CRACR2A: variants seen among roughly 807,000 people sequenced by gnomAD.
CRACR2A encodes EF-hand calcium-binding domain-containing protein 4B.
CRACR2A carries 79 observed loss-of-function variants against 90.5 expected under a neutral mutation model. That is an observed-to-expected ratio of 0.87 (90% confidence interval 0.73 to 1.05). CRACR2A has a LOEUF of 1.05. CRACR2A is among the 50% of genes least tolerant of loss of function. The pLI is 0.00. For synonymous variants in CRACR2A, 338 were observed against 356.7 expected (o/e 0.95, Z 0.59); for missense variants, 823 against 897.2 (o/e 0.92, Z 1.06).
intron 11 of CRACR2A, 101 bp from the exon 12 acceptor site, chr12:3,644,741 G>A (rs1944654984): frequency 1.9e-6 from 2 of 1,052,360 alleles, no homozygotes; most frequent in South Asian, 1.4e-5. Flanking sequence ...GGAAGGTGTG[G>A]TATGGAAGAC....
intron 7 of CRACR2A, among the ~76,000 whole-genome samples, chr12:3,667,215 C>T (rs1591671314): frequency 6.6e-6 from 1 of 152,168 alleles, no homozygotes; most frequent in African/African-American, 2.4e-5. Flanking sequence ...GTGAAGTAAC[C>T]AAATTTCCAA....
At chr12:3,703,555 A>G (rs1355872308) in intron 3 of CRACR2A, among the ~76,000 whole-genome samples, 1 of 152,228 alleles carries the variant, frequency 6.6e-6, no homozygotes, top group Non-Finnish European at 1.5e-5. Context: ...AATTCATTTG[A>G]AAAAAATACG....
chr12:3,644,469 T>G (rs542498475), intron 12 of CRACR2A, 126 bp downstream of exon 12: 27 of 1,003,158 alleles, frequency 2.7e-5, no homozygotes, highest in Non-Finnish European at 4.1e-5. Flanking sequence ...AACGTTTTCA[T>G]GCCGTCATCC....
chr12:3,639,582 G>A (rs150428507), intron 13 of CRACR2A, among the ~76,000 whole-genome samples: 7 of 151,978 alleles, frequency 4.6e-5, no homozygotes, highest in African/African-American at 1.2e-4. Context: ...CACAGAATAT[G>A]CAGAACAGAG....
At chr12:3,703,053 A>G (rs527330561) in intron 3 of CRACR2A, among the ~76,000 whole-genome samples, 4 of 152,370 alleles carry the variant, frequency 2.6e-5, no homozygotes, top group South Asian at 2.1e-4. Context: ...GATTTTTCCA[A>G]CAAATGATAC....
chr12:3,667,739 C>T (rs1203970348), intron 7 of CRACR2A, among the ~76,000 whole-genome samples: 2 of 152,228 alleles, frequency 1.3e-5, no homozygotes, highest in African/African-American at 4.8e-5. Flanking sequence ...TAGAAAAATC[C>T]TGTTTAGAGT....
intron 15 of CRACR2A, among the ~76,000 whole-genome samples, chr12:3,628,102 C>CCTCT (rs993195059): frequency 7.0e-6 from 1 of 142,536 alleles, no homozygotes; most frequent in Admixed American, 7.0e-5. Flanking sequence ...TCTCTCCTTC[C>CCTCT]CTCTCTCTTT....
intron 10 of CRACR2A, among the ~76,000 whole-genome samples, chr12:3,653,305 G>A (rs1314366194): frequency 6.6e-6 from 1 of 152,170 alleles, no homozygotes; most frequent in African/African-American, 2.4e-5. Context: ...GATCAAACGA[G>A]AGGATGTCAA....
At chr12:3,652,174 A>C (rs111435371) in intron 10 of CRACR2A, among the ~76,000 whole-genome samples, 1 of 149,072 alleles carries the variant, frequency 6.7e-6, no homozygotes, top group East Asian at 2.0e-4. Flanking sequence ...TTGAATCCTC[A>C]TGCTGTGATG....
chr12:3,643,855 T>TGA, intron 12 of CRACR2A, among the ~76,000 whole-genome samples: 1 of 48,178 alleles, frequency 2.1e-5, no homozygotes, highest in Non-Finnish European at 3.9e-5. Context: ...ATATTATATA[T>TGA]TTATATTATA....
chr12:3,648,016 A>G, intron 11 of CRACR2A: 1 of 985,962 alleles, frequency 1.0e-6, no homozygotes, highest in South Asian at 4.7e-5. Context: ...TCTGTTTGTG[A>G]TTCATTTACT....
chr12:3,617,589 T>C (rs1329112244), intron 18 of CRACR2A, among the ~76,000 whole-genome samples: 2 of 152,248 alleles, frequency 1.3e-5, no homozygotes, highest in African/African-American at 2.4e-5. Flanking sequence ...ATTAATACTC[T>C]AGCTGCCCTG....
intron 10 of CRACR2A, among the ~76,000 whole-genome samples, chr12:3,653,104 T>C (rs1944824489): frequency 6.6e-6 from 1 of 152,134 alleles, no homozygotes; most frequent in Non-Finnish European, 1.5e-5. Context: ...TGCCTCAGCC[T>C]CCCGAGTAGC....
rs1171742281 is a variant in CRACR2A, at chr12:3,720,739, T to C, written c.-117-7422A>G. ...TTCCAATCCTCGCTCAAGAGCCTCT[T>C]ACATTTTAATCTAACCAGAGTATTT... On this transcript the variant is annotated intron_variant, in intron 2 of 19. Transcript: ENST00000440314. Among the ~76,000 whole-genome samples, 3 of 152,228 alleles carry C rather than the reference T, an allele frequency of 2.0e-5. No homozygotes were observed. The East Asian group carries it at 5.8e-4, about 29-fold the overall frequency.
intron 18 of CRACR2A, among the ~76,000 whole-genome samples, chr12:3,617,522 G>A (rs900532505): frequency 4.6e-5 from 7 of 152,172 alleles, no homozygotes; most frequent in African/African-American, 1.7e-4. Context: ...CATTCCATAG[G>A]CCTTGGGGAC....
At chr12:3,641,673 G>A in intron 13 of CRACR2A, 59 bp downstream of exon 13, 1 of 1,489,780 alleles carries the variant, frequency 6.7e-7, no homozygotes. Context: ...TATGGGCCCA[G>A]AGCCAGCTCC....
At chr12:3,621,666 A>AAAAAAAAAAAAAAAAAAAAAAAAAAAAC (rs1944140059) in intron 17 of CRACR2A, among the ~76,000 whole-genome samples, 1 of 144,612 alleles carries the variant, frequency 6.9e-6, no homozygotes, top group African/African-American at 2.5e-5. Context: ...AAAAAAAAAA[A>AAAAAAAAAAAAAAAAAAAAAAAAAAAAC]AAAAAAAAAA....
chr12:3,712,431 A>G (rs1946018613), intron 3 of CRACR2A, among the ~76,000 whole-genome samples: 1 of 152,214 alleles, frequency 6.6e-6, no homozygotes, highest in Non-Finnish European at 1.5e-5. Flanking sequence ...TCATGGCAGA[A>G]GGTGAAGCAG....
intron 4 of CRACR2A, among the ~76,000 whole-genome samples, chr12:3,691,524 T>G (rs554740787): frequency 6.6e-6 from 1 of 152,244 alleles, no homozygotes; most frequent in Non-Finnish European, 1.5e-5. Flanking sequence ...GTTAGTCTGA[T>G]GGGCTTCCCT....
Sources: gnomAD v4.1 joint callset for allele counts (sites outside exome capture counted in the v4.1 genomes callset) on GRCh38, gnomAD v4.1.1 for gene constraint, MANE v1.5 for transcripts, NCBI Gene and HGNC (gene_info 2026-07-23, HGNC 2026-07-21) for gene names.